Variants in TMEM63C observed in about 807,000 individuals in gnomAD.
TMEM63C encodes the protein osmosensitive cation channel TMEM63C.
A neutral mutation model predicts 99.2 loss-of-function variants in TMEM63C; 32 were observed. The observed-to-expected ratio is 0.32, with a 90% CI of 0.24 to 0.43. The LOEUF (loss-of-function observed/expected upper bound fraction) is 0.43. Among genes scored for constraint, TMEM63C ranks in the 20% least tolerant of loss-of-function variants. The pLI, the probability that TMEM63C is intolerant of heterozygous loss-of-function variation, is 1.00. For synonymous variants in TMEM63C, 376 were observed against 397.9 expected (o/e 0.94, Z 0.66); for missense variants, 826 against 1,053.0 (o/e 0.78, Z 2.98).
At chr14:77,221,034 CCACCCACGCCCCCTCA>C (rs1359825330) in intron 5 of TMEM63C, among the ~76,000 whole-genome samples, 1 of 1,938 alleles carries the variant, frequency 5.2e-4, no homozygotes, top group African/African-American at 1.1e-3. Flanking sequence ...GCCTCCCCTC[CCACCCACGCCCCCTCA>C]CACTCACGCC....
intron 1 of TMEM63C, among the ~76,000 whole-genome samples, chr14:77,182,254 C>A (rs1450074264): frequency 6.6e-6 from 1 of 152,082 alleles, no homozygotes; most frequent in African/African-American, 2.4e-5. Context: ...GGGCTACCCT[C>A]TCCCCCACCC....
intron 7 of TMEM63C, among the ~76,000 whole-genome samples, chr14:77,231,970 CA>C (rs1196549778): frequency 1.3e-5 from 2 of 152,342 alleles, no homozygotes; most frequent in East Asian, 3.9e-4. Flanking sequence ...AGTATTAATT[CA>C]GTTTGGAACT....
At chr14:77,202,489 G>T (rs1419496864) in intron 1 of TMEM63C, among the ~76,000 whole-genome samples, 3 of 152,180 alleles carry the variant, frequency 2.0e-5, no homozygotes, top group Non-Finnish European at 2.9e-5. Context: ...GCAGGGCCGT[G>T]CTCCCTCTGC....
chr14:77,254,526 T>C (rs1157301834), intron 23 of TMEM63C, among the ~76,000 whole-genome samples: 1 of 152,212 alleles, frequency 6.6e-6, no homozygotes, highest in Non-Finnish European at 1.5e-5. Flanking sequence ...TCTTGGAATA[T>C]TGTTAGCAAT....
chr14:77,253,687 G>A (rs947181091), intron 23 of TMEM63C, among the ~76,000 whole-genome samples: 1 of 152,264 alleles, frequency 6.6e-6, no homozygotes, highest in African/African-American at 2.4e-5. Context: ...AGACGCAGGG[G>A]GGCCTGCTGA....
intron 1 of TMEM63C, among the ~76,000 whole-genome samples, chr14:77,186,011 T>C (rs113566586): frequency 6.6e-6 from 1 of 151,232 alleles, no homozygotes; most frequent in Non-Finnish European, 1.5e-5. Flanking sequence ...CATGTTTTGT[T>C]GTTGTTGTTT....
At chr14:77,253,651 C>T (rs1889412128) in intron 23 of TMEM63C, among the ~76,000 whole-genome samples, 2 of 152,192 alleles carry the variant, frequency 1.3e-5, no homozygotes, top group South Asian at 2.1e-4. Context: ...TCAGGGAGGC[C>T]GAGACCACAG....
chr14:77,187,794 C>T (rs1888029318), intron 1 of TMEM63C, among the ~76,000 whole-genome samples: 1 of 152,206 alleles, frequency 6.6e-6, no homozygotes, highest in South Asian at 2.1e-4. Flanking sequence ...CCCCGTGACT[C>T]TGCCTGCTTC....
chr14:77,240,543 C>T lies in TMEM63C; in HGVS notation c.999C>T (p.Asn333=). 6.2e-7 allele frequency: 1 copy of T among 1,612,052 alleles called. No homozygotes were observed. Among genetic ancestry groups the T allele is most frequent in the Non-Finnish European group, 8.5e-7 (1 of 1,179,848 alleles). ...QLTDEFNAEL[N]RVPLKRLDLI... ...CGGACGAGTTCAACGCCGAGCTCAA[C>T]CGCGTGCCGCTCAAGCGGCTGGACC... Residue 333 remains asparagine, a synonymous_variant, in exon 13 of 24, where the codon AAC becomes AAT. Coordinates refer to ENST00000298351, the MANE Select transcript of TMEM63C (RefSeq NM_020431.4).
intron 23 of TMEM63C, among the ~76,000 whole-genome samples, chr14:77,254,926 A>G (rs1889435079): frequency 6.6e-6 from 1 of 152,196 alleles, no homozygotes; most frequent in Admixed American, 6.5e-5. Context: ...TCTCTTCCAG[A>G]TAATTATGTA....
chr14:77,226,156 G>A (rs1888820026), intron 6 of TMEM63C, among the ~76,000 whole-genome samples: 1 of 152,086 alleles, frequency 6.6e-6, no homozygotes, highest in Non-Finnish European at 1.5e-5. Flanking sequence ...ACACAGCTCT[G>A]CCTCCACCTC....
At chr14:77,242,303 C>T in intron 13 of TMEM63C, 44 bp from the exon 14 acceptor site, 1 of 1,589,732 alleles carries the variant, frequency 6.3e-7, no homozygotes, top group Non-Finnish European at 8.6e-7. Context: ...GCCCATCCCC[C>T]CACCCCCAGA....
At chr14:77,189,194 T>C (rs566213027) in intron 1 of TMEM63C, among the ~76,000 whole-genome samples, 1 of 152,108 alleles carries the variant, frequency 6.6e-6, no homozygotes, top group African/African-American at 2.4e-5. Context: ...ATTGCTGCCT[T>C]CACTTTTCAG....
intron 9 of TMEM63C, 53 bp downstream of exon 9, chr14:77,236,785 A>T: frequency 8.0e-7 from 1 of 1,251,172 alleles, no homozygotes; most frequent in South Asian, 1.2e-5. Flanking sequence ...GTCCCTCCCC[A>T]CTGGGCTGAC....
chr14:77,193,161 C>T (rs1337247464), intron 1 of TMEM63C, among the ~76,000 whole-genome samples: 5 of 152,184 alleles, frequency 3.3e-5, no homozygotes, highest in African/African-American at 1.2e-4. Flanking sequence ...AGTCAATAAA[C>T]ATGAAAATAC....
intron 14 of TMEM63C, 142 bp from the exon 15 acceptor site, chr14:77,242,761 G>A: frequency 4.0e-6 from 4 of 991,306 alleles, no homozygotes; most frequent in Non-Finnish European, 6.1e-6. Flanking sequence ...GACGGTCCAG[G>A]GTCCTGTTGC....
At chr14:77,190,881 C>T (rs895930896) in intron 1 of TMEM63C, among the ~76,000 whole-genome samples, 2 of 151,796 alleles carry the variant, frequency 1.3e-5, no homozygotes, top group African/African-American at 4.8e-5. Flanking sequence ...TCTAGAGGTA[C>T]AAGCCAACAC....
At chr14:77,228,522 T>A (rs967445028) in intron 6 of TMEM63C, among the ~76,000 whole-genome samples, 1 of 150,720 alleles carries the variant, frequency 6.6e-6, no homozygotes. Flanking sequence ...CCTTTTGTAG[T>A]ATTGTTTAAA....
chr14:77,201,160 G>C (rs1191551653), intron 1 of TMEM63C: 1 of 152,128 alleles, frequency 6.6e-6, no homozygotes, highest in African/African-American at 2.4e-5. Flanking sequence ...CCTCCTCCAG[G>C]CAGCCTTTGT....
Sources: gnomAD v4.1 joint callset for allele counts (sites outside exome capture counted in the v4.1 genomes callset) on GRCh38, gnomAD v4.1.1 for gene constraint, MANE v1.5 for transcripts, NCBI Gene and HGNC (gene_info 2026-07-23, HGNC 2026-07-21) for gene names.